The following CCDC178 variants were observed in gnomAD, a reference collection of about 807,000 sequenced individuals.
CCDC178 encodes the protein coiled-coil domain containing 178.
CCDC178 carries 126 observed loss-of-function variants against 117.4 expected under a neutral mutation model. That is an observed-to-expected ratio of 1.07 (90% CI 0.93 to 1.24). The LOEUF is 1.24. Ranked by LOEUF, CCDC178 falls within the 50% of genes most tolerant of loss-of-function variation. The pLI is 0.00. For synonymous variants in CCDC178, 283 were observed against 313.4 expected (o/e 0.90, Z 1.02); for missense variants, 1,030 against 986.9 (o/e 1.04, Z -0.59).
chr18:32,969,457 C>A (rs991165750), intron 22 of CCDC178, among the ~76,000 whole-genome samples: 2 of 151,992 alleles, frequency 1.3e-5, no homozygotes, highest in Non-Finnish European at 2.9e-5. Context: ...TTCCTGTTGA[C>A]CCTAAACCCA....
At chr18:32,989,695 T>C (rs1377206175) in intron 21 of CCDC178, among the ~76,000 whole-genome samples, 1 of 152,142 alleles carries the variant, frequency 6.6e-6, no homozygotes, top group African/African-American at 2.4e-5. Context: ...TTTAATAATA[T>C]AAAAACCATT....
At chr18:33,434,330 C>T (rs1033551137) in intron 2 of CCDC178, among the ~76,000 whole-genome samples, 3 of 152,110 alleles carry the variant, frequency 2.0e-5, no homozygotes, top group East Asian at 1.9e-4. Flanking sequence ...AAAGAAATTA[C>T]GCCAACAGTT....
intron 14 of CCDC178, among the ~76,000 whole-genome samples, chr18:33,252,416 A>C (rs1338316888): frequency 6.6e-6 from 1 of 151,830 alleles, no homozygotes; most frequent in Non-Finnish European, 1.5e-5. Flanking sequence ...TTAATTTTAG[A>C]TGATGTATAT....
chr18:33,199,469 T>C (rs1344984529), intron 20 of CCDC178, among the ~76,000 whole-genome samples: 1 of 152,186 alleles, frequency 6.6e-6, no homozygotes, highest in Non-Finnish European at 1.5e-5. Flanking sequence ...TGATGACTTA[T>C]CCAACATTTT....
intron 5 of CCDC178, among the ~76,000 whole-genome samples, chr18:33,386,141 G>T (rs561339638): frequency 1.3e-5 from 2 of 151,796 alleles, no homozygotes; most frequent in Non-Finnish European, 2.9e-5. Flanking sequence ...CTCCCAGGTC[G>T]GGGGGTGAAC....
intron 21 of CCDC178, among the ~76,000 whole-genome samples, chr18:33,073,547 C>CTATA (rs1225402686): frequency 8.0e-4 from 97 of 121,666 alleles, no homozygotes; most frequent in Admixed American, 5.1e-3. Flanking sequence ...ATCTATCTAT[C>CTATA]TATCTATATA....
chr18:33,252,927 T>C (rs1017147107), intron 14 of CCDC178, among the ~76,000 whole-genome samples: 2 of 151,816 alleles, frequency 1.3e-5, no homozygotes, highest in African/African-American at 2.4e-5. Flanking sequence ...TAGAAATTCA[T>C]ACCACACAGT....
chr18:33,134,003 T>G (rs2058096998), intron 20 of CCDC178, among the ~76,000 whole-genome samples: 1 of 151,938 alleles, frequency 6.6e-6, no homozygotes, highest in Non-Finnish European at 1.5e-5. Context: ...TTTTGTCCCC[T>G]TAGATGCATG....
intron 11 of CCDC178, among the ~76,000 whole-genome samples, 184 bp from the exon 12 acceptor site, chr18:33,293,496 CA>C (rs11314965): frequency 0.91 from 134,097 of 147,978 alleles, 60,776 homozygotes; most frequent in East Asian, 1. Context: ...AATGCCTTTA[CA>C]AAAAAAAAAA....
intron 11 of CCDC178, among the ~76,000 whole-genome samples, chr18:33,313,363 C>G (rs1262204891): frequency 6.6e-6 from 1 of 152,172 alleles, no homozygotes; most frequent in African/African-American, 2.4e-5. Flanking sequence ...GACCTTATGT[C>G]AAAACAGACA....
intron 20 of CCDC178, among the ~76,000 whole-genome samples, chr18:33,170,598 G>C (rs189543632): frequency 6.6e-6 from 1 of 151,708 alleles, no homozygotes; most frequent in Non-Finnish European, 1.5e-5. Flanking sequence ...GTAAAATATT[G>C]GTTAATAGAA....
chr18:33,236,228 C>T (rs2059424915), intron 15 of CCDC178, among the ~76,000 whole-genome samples: 1 of 152,094 alleles, frequency 6.6e-6, no homozygotes, highest in Non-Finnish European at 1.5e-5. Context: ...CAGAAAGTTA[C>T]TTAAAAGGAA....
At chr18:33,166,939 C>T (rs531565322) in intron 20 of CCDC178, among the ~76,000 whole-genome samples, 2 of 152,292 alleles carry the variant, frequency 1.3e-5, no homozygotes, top group East Asian at 3.9e-4. Context: ...CCTCCCTCCA[C>T]CCTCAAGTAG....
intron 22 of CCDC178, among the ~76,000 whole-genome samples, chr18:32,949,012 C>T (rs1405373020): frequency 6.6e-6 from 1 of 151,996 alleles, no homozygotes; most frequent in Non-Finnish European, 1.5e-5. Context: ...AGATATTTTA[C>T]TGTGTATAAA....
At chr18:33,406,350 C>G (rs901448507) in intron 3 of CCDC178, among the ~76,000 whole-genome samples, 1 of 151,926 alleles carries the variant, frequency 6.6e-6, no homozygotes, top group African/African-American at 2.4e-5. Context: ...GAAAATACAG[C>G]AATTGTCATG....
chr18:33,125,043 T>C (rs2057986662), intron 20 of CCDC178, among the ~76,000 whole-genome samples: 1 of 152,132 alleles, frequency 6.6e-6, no homozygotes, highest in African/African-American at 2.4e-5. Flanking sequence ...TTAGCACCTG[T>C]TGCCAGGAGA....
intron 20 of CCDC178, among the ~76,000 whole-genome samples, chr18:33,126,735 T>C (rs997594155): frequency 2.0e-5 from 3 of 152,054 alleles, no homozygotes; most frequent in African/African-American, 4.8e-5. Flanking sequence ...CTCAGCTCAC[T>C]GCAACCTCTG....
intron 21 of CCDC178, among the ~76,000 whole-genome samples, chr18:33,021,500 C>A (rs2056116082): frequency 6.6e-6 from 1 of 152,120 alleles, no homozygotes; most frequent in East Asian, 1.9e-4. Context: ...GAGTTTGAGA[C>A]CAGCCTGGCC....
At chr18:33,347,115 G>A (rs2062906754) in intron 8 of CCDC178, among the ~76,000 whole-genome samples, 1 of 152,062 alleles carries the variant, frequency 6.6e-6, no homozygotes, top group Non-Finnish European at 1.5e-5. Flanking sequence ...AGATAAGTAA[G>A]GTAAAGAAGA....
Sources: allele counts gnomAD v4.1 joint callset (sites outside exome capture counted in the v4.1 genomes callset), GRCh38; gene constraint gnomAD v4.1.1; transcripts MANE v1.5; gene names NCBI Gene and HGNC (gene_info 2026-07-23, HGNC 2026-07-21).